Variants in FAM53B observed in about 807,000 individuals in gnomAD.
FAM53B encodes family with sequence similarity 53 member B.
A neutral mutation model predicts 32.7 loss-of-function variants in FAM53B; 12 were observed. That is an observed-to-expected ratio of 0.37 (90% CI 0.24 to 0.59). The LOEUF is 0.59. Ranked by LOEUF, FAM53B falls within the 20% of genes least tolerant of loss-of-function variation. The probability of loss-of-function intolerance (pLI) is 0.72; values close to 1 mark genes in which losing one functional copy is unlikely to be tolerated. For synonymous variants in FAM53B, 234 were observed against 228.7 expected (o/e 1.02, Z -0.21); for missense variants, 477 against 577.7 (o/e 0.83, Z 1.79).
intron 1 of FAM53B, among the ~76,000 whole-genome samples, chr10:124,707,109 C>A (rs576601648): frequency 1.6e-4 from 25 of 152,258 alleles, no homozygotes; most frequent in African/African-American, 5.8e-4. Context: ...GTAAAATGGC[C>A]TGGTGGATAG....
intron 1 of FAM53B, among the ~76,000 whole-genome samples, chr10:124,743,371 G>A (rs1003004667): frequency 2.6e-5 from 4 of 152,146 alleles, no homozygotes; most frequent in Non-Finnish European, 5.9e-5. Context: ...AAGCCACGCC[G>A]GCGCGGACGC....
chr10:124,711,412 C>A (rs1483366882), intron 1 of FAM53B, among the ~76,000 whole-genome samples: 1 of 151,986 alleles, frequency 6.6e-6, no homozygotes, highest in Admixed American at 6.6e-5. Context: ...GTATCCGTGA[C>A]AATTTTCTGC....
intron 4 of FAM53B, among the ~76,000 whole-genome samples, chr10:124,674,612 G>A (rs1203020190): frequency 1.3e-5 from 2 of 152,208 alleles, no homozygotes; most frequent in African/African-American, 4.8e-5. Context: ...AGAAGCCTGG[G>A]AACGACATTA....
chr10:124,637,260 C>T (rs1235582471), intron 4 of FAM53B, among the ~76,000 whole-genome samples: 1 of 152,194 alleles, frequency 6.6e-6, no homozygotes, highest in African/African-American at 2.4e-5. Flanking sequence ...TGGCAGGAGA[C>T]AACCAGACAT....
chr10:124,692,714 CAAAAAAAAAAAAA>C (rs5788679), intron 3 of FAM53B, among the ~76,000 whole-genome samples: 243 of 69,066 alleles, frequency 3.5e-3, no homozygotes, highest in African/African-American at 0.015. Context: ...TACTCCATCT[CAAAAAAAAAAAAA>C]AAAAAAAAAA....
rs114176635 is a variant in FAM53B at position 124,701,852 on chromosome 10, T to G, written c.78+4784A>C. Among the ~76,000 whole-genome samples, 866 of 152,320 alleles carry G rather than the reference T, an allele frequency of 5.7e-3. 11 individuals are homozygous for G. Among genetic ancestry groups the G allele is most frequent in the African/African-American group, 0.019 (806 of 41,562 alleles). The stretch of plus-strand genomic sequence containing the variant: ...AATGCTGAGCACTGGTCAGTCCTTT[T>G]TTTCCCTTTTTCCCACATCTTTCTT... On this transcript the variant is annotated intron_variant, in intron 2 of 4. Coordinates refer to ENST00000337318, the MANE Select transcript of FAM53B (RefSeq NM_014661.4).
At chr10:124,674,143 C>A (rs1949723508) in intron 4 of FAM53B, among the ~76,000 whole-genome samples, 1 of 152,244 alleles carries the variant, frequency 6.6e-6, no homozygotes, top group Non-Finnish European at 1.5e-5. Context: ...CCCAGCAGCA[C>A]CGCTCAACAA....
At position 124,744,006 on chromosome 10, in the gene FAM53B, C is replaced by A. The variant is rs1950217181; in HGVS notation, c.-175+7G>T. 1.3e-5 allele frequency: 2 copies of A among 148,482 alleles called. No individual in the cohort carries two copies. Among genetic ancestry groups the A allele is most frequent in the South Asian group, 3.9e-4 (2 of 5,146 alleles). The allele number at this position is 148,482 out of a possible 1,614,324, so 9.2% of individuals were successfully genotyped here. ...CCGCCGCCGCCGCCCGGCCCCGGGTCGCTTACTGTGCGCGGCGGGGCGCTC... is the reference window on the plus strand; with the variant it reads ...CCGCCGCCGCCGCCCGGCCCCGGGTAGCTTACTGTGCGCGGCGGGGCGCTC... On this transcript the variant is annotated splice_region_variant and intron_variant, in intron 1 of 4. Transcript: ENST00000337318.
At chr10:124,701,114 G>T (rs895404431) in intron 2 of FAM53B, among the ~76,000 whole-genome samples, 3 of 152,212 alleles carry the variant, frequency 2.0e-5, no homozygotes, top group Non-Finnish European at 4.4e-5. Context: ...AAGGCATCAG[G>T]CTGCCCTGGA....
chr10:124,631,220 A>G (rs1949388957), intron 4 of FAM53B, among the ~76,000 whole-genome samples: 2 of 152,122 alleles, frequency 1.3e-5, no homozygotes, highest in African/African-American at 4.8e-5. Flanking sequence ...TTCTTTACAC[A>G]GTGTAGCCTT....
chr10:124,693,189 A>G (rs952296529), intron 3 of FAM53B, among the ~76,000 whole-genome samples: 4 of 152,142 alleles, frequency 2.6e-5, no homozygotes, highest in African/African-American at 9.7e-5. Flanking sequence ...AAAAGCAGGC[A>G]CGCCGGGCGC....
intron 1 of FAM53B, among the ~76,000 whole-genome samples, chr10:124,712,637 C>A (rs1373421754): frequency 6.6e-6 from 1 of 152,134 alleles, no homozygotes; most frequent in Non-Finnish European, 1.5e-5. Flanking sequence ...TCCCGTGACT[C>A]CCTGGGCAGT....
chr10:124,647,223 A>G (rs1385339141), intron 4 of FAM53B, among the ~76,000 whole-genome samples: 1 of 152,180 alleles, frequency 6.6e-6, no homozygotes, highest in Admixed American at 6.5e-5. Context: ...GAAGCTCTCA[A>G]GTTTATTACT....
At chr10:124,686,019 C>G (rs1949800324) in intron 3 of FAM53B, among the ~76,000 whole-genome samples, 1 of 152,178 alleles carries the variant, frequency 6.6e-6, no homozygotes. Context: ...GGTATCAAAC[C>G]TCCTACGACA....
At chr10:124,677,243 T>C (rs1204003718) in intron 4 of FAM53B, among the ~76,000 whole-genome samples, 2 of 152,000 alleles carry the variant, frequency 1.3e-5, no homozygotes, top group Non-Finnish European at 2.9e-5. Flanking sequence ...TCAAACCAGG[T>C]CTCAAAAAAG....
At chr10:124,732,204 C>T (rs1254290440) in intron 1 of FAM53B, among the ~76,000 whole-genome samples, 1 of 152,230 alleles carries the variant, frequency 6.6e-6, no homozygotes, top group Non-Finnish European at 1.5e-5. Context: ...CCAGCTCTCG[C>T]CTGTGCCTAC....
intron 4 of FAM53B, among the ~76,000 whole-genome samples, chr10:124,652,905 C>T (rs753579798): frequency 6.6e-6 from 1 of 152,214 alleles, no homozygotes; most frequent in East Asian, 1.9e-4. Context: ...AGGCAGACGA[C>T]GCCCTGTGTT....
chr10:124,681,130 T>C (rs1295446034), intron 4 of FAM53B, among the ~76,000 whole-genome samples: 1 of 152,166 alleles, frequency 6.6e-6, no homozygotes, highest in Non-Finnish European at 1.5e-5. Flanking sequence ...TTCAACAGTA[T>C]AATCAAAGGA....
At chr10:124,674,100 T>C (rs1052626446) in intron 4 of FAM53B, among the ~76,000 whole-genome samples, 1 of 152,194 alleles carries the variant, frequency 6.6e-6, no homozygotes, top group Non-Finnish European at 1.5e-5. Flanking sequence ...GGCAAAACCC[T>C]GCCCTCAGAG....
Sources: allele counts gnomAD v4.1 joint callset (sites outside exome capture counted in the v4.1 genomes callset), GRCh38; gene constraint gnomAD v4.1.1; transcripts MANE v1.5; gene names NCBI Gene and HGNC (gene_info 2026-07-23, HGNC 2026-07-21).